The following CACNA1E variants were observed in gnomAD, a reference collection of about 807,000 sequenced individuals.
CACNA1E encodes calcium voltage-gated channel subunit alpha1 E.
CACNA1E carries 40 observed loss-of-function variants against 259.2 expected under a neutral mutation model. The observed-to-expected ratio is 0.15, with a 90% CI of 0.12 to 0.20. The LOEUF is 0.20. CACNA1E is among the 10% of genes least tolerant of loss of function. The probability of loss-of-function intolerance (pLI) is 1.00; values close to 1 mark genes in which losing one functional copy is unlikely to be tolerated. For synonymous variants in CACNA1E, 1,104 were observed against 1,138.5 expected, an observed-to-expected ratio of 0.97 and a Z score of 0.61; for missense variants, 1,874 against 3,040.1, an observed-to-expected ratio of 0.62 and a Z score of 9.02.
intron 26 of CACNA1E, 114 bp downstream of exon 26, chr1:181,750,601 T>C: frequency 1.1e-6 from 1 of 943,458 alleles, no homozygotes; most frequent in East Asian, 2.5e-5. Context: ...TGGTCAGTTT[T>C]TATTTATATC....
At chr1:181,765,995 G>A (rs3767014) in intron 34 of CACNA1E, among the ~76,000 whole-genome samples, 9,513 of 152,192 alleles carry the variant, frequency 0.063, 354 homozygotes, top group East Asian at 0.19. Flanking sequence ...ATAATAAAAC[G>A]CCAGGAGGCT....
rs1558409293 is a variant in CACNA1E at position 181,799,162 on chromosome 1, G to T, written c.*328G>T. On this transcript the variant is annotated 3_prime_UTR_variant, in exon 48 of 48. Transcript: ENST00000367573. Reference sequence around the variant, plus strand: ...GCCCCTTCCCACTTTTCTAAAAGCTGTGGAGGGATCTAGCTGGCCTATGTC... The same window carrying T: ...GCCCCTTCCCACTTTTCTAAAAGCTTTGGAGGGATCTAGCTGGCCTATGTC... The T allele has an allele frequency of 1.4e-5, 3 of 216,320 alleles. No homozygotes were observed. Among genetic ancestry groups the T allele is most frequent in the Admixed American group, 5.4e-5 (1 of 18,640 alleles). 13.4% of individuals were successfully genotyped at this position (216,320 alleles called of 1,614,324 possible).
chr1:181,641,357 C>T (rs1305342131), intron 6 of CACNA1E, among the ~76,000 whole-genome samples: 1 of 152,170 alleles, frequency 6.6e-6, no homozygotes, highest in Non-Finnish European at 1.5e-5. Context: ...TTTATGCCAC[C>T]ATTCAGGGTC....
At chr1:181,427,086 A>G (rs375979908) in intron 2 of CACNA1E, among the ~76,000 whole-genome samples, 21 of 147,962 alleles carry the variant, frequency 1.4e-4, no homozygotes, top group African/African-American at 5.3e-4. Context: ...ATCCCTTCCT[A>G]TCTCAACCCC....
At chr1:181,445,329 C>A (rs1024667571) in intron 2 of CACNA1E, among the ~76,000 whole-genome samples, 2 of 152,184 alleles carry the variant, frequency 1.3e-5, no homozygotes, top group Non-Finnish European at 2.9e-5. Context: ...ATTTCCAAGT[C>A]AACACTATTC....
intron 6 of CACNA1E, among the ~76,000 whole-genome samples, chr1:181,643,927 G>T (rs1401836115): frequency 2.0e-5 from 3 of 152,158 alleles, no homozygotes; most frequent in Non-Finnish European, 4.4e-5. Flanking sequence ...TGTGTGGGGA[G>T]ACTTAGTATG....
chr1:181,733,334 C>A, intron 20 of CACNA1E, 103 bp from the exon 21 acceptor site: 1 of 1,070,866 alleles, frequency 9.3e-7, no homozygotes, highest in Non-Finnish European at 1.3e-6. Flanking sequence ...GGCCTTGTAC[C>A]TTCCAGGCTG....
intron 38 of CACNA1E, among the ~76,000 whole-genome samples, chr1:181,779,093 C>T (rs1432740842): frequency 6.6e-6 from 1 of 152,224 alleles, no homozygotes; most frequent in Non-Finnish European, 1.5e-5. Context: ...CGGTCTGAGT[C>T]ATTTGTGAAT....
chr1:181,587,709 C>G (rs987473258), intron 6 of CACNA1E, among the ~76,000 whole-genome samples: 9 of 151,952 alleles, frequency 5.9e-5, no homozygotes, highest in South Asian at 2.1e-4. Flanking sequence ...CGGTGAAACC[C>G]CGTCTCTACT....
At chr1:181,369,928 T>C (rs932212532) in intron 1 of CACNA1E, among the ~76,000 whole-genome samples, 4 of 152,174 alleles carry the variant, frequency 2.6e-5, no homozygotes, top group Non-Finnish European at 5.9e-5. Flanking sequence ...ACCAAACAGG[T>C]AGTTTTTCAG....
At chr1:181,528,764 A>G (rs972162555) in intron 3 of CACNA1E, among the ~76,000 whole-genome samples, 7 of 152,136 alleles carry the variant, frequency 4.6e-5, no homozygotes, top group Non-Finnish European at 1.0e-4. Context: ...CTTGAGAGAG[A>G]TGATTTAGGG....
At chr1:181,720,159 A>T (rs763378345) in intron 13 of CACNA1E, 47 bp from the exon 14 acceptor site, 1 of 1,608,290 alleles carries the variant, frequency 6.2e-7, no homozygotes, top group Non-Finnish European at 8.5e-7. Context: ...TTGGTGGGTG[A>T]CTTGGTATGC....
intron 3 of CACNA1E, among the ~76,000 whole-genome samples, chr1:181,546,006 A>T (rs1027800781): frequency 2.0e-5 from 3 of 151,744 alleles, no homozygotes; most frequent in Non-Finnish European, 4.4e-5. Context: ...ATGTGGGGAG[A>T]GGGTTGGGGT....
chr1:181,582,223 C>A (rs1022480527), intron 6 of CACNA1E, among the ~76,000 whole-genome samples: 10 of 152,382 alleles, frequency 6.6e-5, no homozygotes, highest in Non-Finnish European at 1.3e-4. Flanking sequence ...GACCAGCTTA[C>A]ACCCAGCAAG....
At chr1:181,754,055 T>C (rs919711703) in intron 27 of CACNA1E, among the ~76,000 whole-genome samples, 14 of 152,200 alleles carry the variant, frequency 9.2e-5, no homozygotes, top group Non-Finnish European at 1.5e-4. Context: ...TAAATGCTCA[T>C]TGGGTTCTGC....
At position 181,776,905 on chromosome 1, in the gene CACNA1E, C is replaced by CAAAT. The variant is rs1660021579; in HGVS notation, c.5267+681_5267+684dup. ...AAATTCAGCCCATTGTCTGTTTTTG[C>CAAAT]AAATAAAGTTTTATTGAAAGACAGC... On this transcript the variant is annotated intron_variant, in intron 38 of 47. Transcript: ENST00000367573. This position sits in a 1 kb window ranked among gnomAD's most constrained non-coding sequence, Gnocchi z 4.4. 6.6e-6 allele frequency among the ~76,000 whole-genome samples: 1 copy of CAAAT among 152,168 alleles called. No homozygotes were observed. The highest frequency in any genetic ancestry group is 1.5e-5 in the Non-Finnish European group (1 of 68,022).
At chr1:181,461,919 TC>T (rs1661846745) in intron 2 of CACNA1E, among the ~76,000 whole-genome samples, 1 of 152,208 alleles carries the variant, frequency 6.6e-6, no homozygotes, top group African/African-American at 2.4e-5. Flanking sequence ...GGCTTTTTTT[TC>T]CCTACACACA....
At chr1:181,411,798 C>T (rs1390775153) in intron 1 of CACNA1E, among the ~76,000 whole-genome samples, 6 of 152,210 alleles carry the variant, frequency 3.9e-5, no homozygotes, top group Non-Finnish European at 8.8e-5. Context: ...TTAGTAGAGA[C>T]TAGGTTTCAC....
intron 19 of CACNA1E, among the ~76,000 whole-genome samples, 191 bp downstream of exon 19, chr1:181,731,422 C>T (rs927186533): frequency 6.6e-6 from 1 of 152,126 alleles, no homozygotes; most frequent in Admixed American, 6.5e-5. Context: ...CTTATATCAG[C>T]GTGTGTCTAC....
Sources: gnomAD v4.1 joint callset for allele counts (sites outside exome capture counted in the v4.1 genomes callset) on GRCh38, gnomAD v4.1.1 for gene constraint, Gnocchi (gnomAD v3.1) non-coding constraint, MANE v1.5 for transcripts, NCBI Gene and HGNC (gene_info 2026-07-23, HGNC 2026-07-21) for gene names.